The following HDGF variants were observed in gnomAD, a reference collection of about 807,000 sequenced individuals.
The protein encoded by HDGF is heparin binding growth factor.
HDGF carries 5 observed loss-of-function variants against 30.0 expected under a neutral mutation model. That is an observed-to-expected ratio of 0.17 (90% CI 0.09 to 0.35). The LOEUF is 0.35. Ranked by LOEUF, HDGF falls within the 10% of genes least tolerant of loss-of-function variation. HDGF has a pLI of 1.00. For synonymous variants in HDGF, 133 were observed against 112.7 expected, an observed-to-expected ratio of 1.18 and a Z score of -1.14; for missense variants, 214 against 302.8, an observed-to-expected ratio of 0.71 and a Z score of 2.18.
At chr1:156,750,198 A>T (rs1650864950) in intron 1 of HDGF, among the ~76,000 whole-genome samples, 1 of 152,078 alleles carries the variant, frequency 6.6e-6, no homozygotes, top group Admixed American at 6.5e-5. Context: ...TGAGAAGAGC[A>T]CCCCAAAGAT....
At chr1:156,760,102 G>C (rs999531759) in intron 1 of HDGF, among the ~76,000 whole-genome samples, 1 of 152,238 alleles carries the variant, frequency 6.6e-6, no homozygotes, top group African/African-American at 2.4e-5. Flanking sequence ...CTACAGACAG[G>C]AGTGCCATAG....
intron 1 of HDGF, among the ~76,000 whole-genome samples, chr1:156,765,415 TTCTTTCTTTC>T (rs1320643181): frequency 2.1e-5 from 3 of 146,216 alleles, no homozygotes; most frequent in Non-Finnish European, 4.5e-5. Flanking sequence ...TTTTCTTTCT[TTCTTTCTTTC>T]TCTTTCTTTC....
At chr1:156,757,278 CATGGTGAAACCCCGTCTCTACTAAAAAAA>C, upstream of HDGF, among the ~76,000 whole-genome samples, 1 of 151,122 alleles carries the variant, frequency 6.6e-6, no homozygotes, top group South Asian at 2.1e-4. Context: ...GCCTGACCAA[CATGGTGAAACCCCGTCTCTACTAAAAAAA>C]ATGCAAAAAT....
rs769581653 is a variant in HDGF, at chr1:156,743,502, G to A, written c.717-47C>T. ...GAGAAGGGTTAATGGTGTGGCCTTG[G>A]CCTGGCCTTGCCCCAGCCAGTGCCG... is the stretch of plus-strand genomic sequence containing the variant. On this transcript the variant is annotated intron_variant, in intron 5 of 5. Coordinates refer to ENST00000357325, the MANE Select transcript of HDGF (RefSeq NM_004494.3). 2.5e-6 allele frequency: 4 copies of A among 1,574,650 alleles called. No individual in the cohort carries two copies. In the African/African-American group the frequency reaches 4.1e-5, roughly 16 times the overall value.
chr1:156,762,859 C>G (rs1204833249), intron 1 of HDGF, among the ~76,000 whole-genome samples: 1 of 149,318 alleles, frequency 6.7e-6, no homozygotes. Flanking sequence ...GCAACAAGAG[C>G]GAAACTCCGT....
At position 156,743,386 on chromosome 1, in the gene HDGF, T is replaced by G; in HGVS notation, c.*63A>C. ...TCCCAGTTTGCAGGCCATGGCCAGT[T>G]TCCCCAGTAGCACCCAGACAGCAGC... is the stretch of plus-strand genomic sequence containing the variant. On this transcript the variant is annotated 3_prime_UTR_variant, in exon 6 of 6. Coordinates refer to ENST00000357325, the MANE Select transcript of HDGF (RefSeq NM_004494.3). 2 of 1,491,166 alleles carry G rather than the reference T, an allele frequency of 1.3e-6. No individual in the cohort carries two copies. The highest frequency in any genetic ancestry group is 1.8e-6 in the Non-Finnish European group (2 of 1,118,204). The allele number at this position is 1,491,166 out of a possible 1,614,324, so 92.4% of individuals were successfully genotyped here.
upstream of HDGF, among the ~76,000 whole-genome samples, chr1:156,757,113 A>G (rs1329948036): frequency 6.6e-6 from 1 of 151,706 alleles, no homozygotes; most frequent in Non-Finnish European, 1.5e-5. Context: ...TTTTTGAAAA[A>G]GGGAAAATTA....
chr1:156,757,539 T>C (rs1437890264), intron 2 of HDGF, among the ~76,000 whole-genome samples: 1 of 151,562 alleles, frequency 6.6e-6, no homozygotes, highest in African/African-American at 2.4e-5. Context: ...ACACCTGTAA[T>C]CCCAGCACTT....
intron 2 of HDGF, chr1:156,758,920 GC>G (rs1417964559): frequency 6.6e-6 from 1 of 152,460 alleles, no homozygotes; most frequent in Non-Finnish European, 1.5e-5. Flanking sequence ...AGGTGGAAGG[GC>G]CTGAAGTTGC....
chr1:156,763,019 C>G (rs1651277901), intron 1 of HDGF, among the ~76,000 whole-genome samples: 1 of 152,174 alleles, frequency 6.6e-6, no homozygotes, highest in South Asian at 2.1e-4. Flanking sequence ...TGTGCCCAGC[C>G]AATTACCTAT....
In HDGF at chr1:156,743,365, A is replaced by T; in HGVS notation, c.*84T>A. On this transcript the variant is annotated 3_prime_UTR_variant, in exon 6 of 6. Coordinates refer to ENST00000357325, the MANE Select transcript of HDGF (RefSeq NM_004494.3). The stretch of plus-strand genomic sequence containing the variant: ...AGGTTGGGGTGGGAAAGGGGTTCCC[A>T]GTTTGCAGGCCATGGCCAGTTTCCC... The T allele has an allele frequency of 7.2e-7, 1 of 1,398,232 alleles. No individual in the cohort carries two copies. Among genetic ancestry groups the T allele is most frequent in the Non-Finnish European group, 9.7e-7 (1 of 1,032,878 alleles). 86.6% of individuals were successfully genotyped at this position (1,398,232 alleles called of 1,614,324 possible). A position where few individuals can be genotyped will look rare whatever the true frequency, so the allele number is the denominator to read the frequency against.
upstream of HDGF, chr1:156,752,123 C>T (rs765119529): frequency 5.8e-6 from 9 of 1,551,556 alleles, no homozygotes; most frequent in South Asian, 5.9e-5. Flanking sequence ...CAAATATTTA[C>T]TGGGCACCCG....
upstream of HDGF, chr1:156,752,383 C>G: frequency 6.4e-7 from 1 of 1,550,612 alleles, no homozygotes; most frequent in Non-Finnish European, 8.7e-7. Context: ...TTTCTCTAAG[C>G]TACTGTCTTG....
At chr1:156,763,198 A>G (rs1040627912) in intron 1 of HDGF, among the ~76,000 whole-genome samples, 4 of 151,928 alleles carry the variant, frequency 2.6e-5, no homozygotes, top group African/African-American at 9.7e-5. Flanking sequence ...AATATGTTTA[A>G]TCATTTCATT....
chr1:156,757,978 A>G (rs1362319041), intron 2 of HDGF, among the ~76,000 whole-genome samples: 8 of 152,002 alleles, frequency 5.3e-5, no homozygotes, highest in Non-Finnish European at 1.0e-4. Flanking sequence ...TGTTGACTGG[A>G]GCTGCACATT....
rs373549784 is a variant in HDGF at position 156,757,687 on chromosome 1, G to A, written n.373+1296C>T. 9.9e-5 allele frequency among the ~76,000 whole-genome samples: 15 copies of A among 151,068 alleles called. No homozygotes were observed. The East Asian group carries it at 1.7e-3, about 18-fold the overall frequency. On this transcript the variant is annotated intron_variant and non_coding_transcript_variant, in intron 2 of 7. Transcript: ENST00000465180. ...GCACAACTGTAGTCCCAGATACTTC[G>A]GAGGCTGAGGCCCGATAATCACTTG... is the stretch of plus-strand genomic sequence containing the variant.
exon 2 of HDGF, chr1:156,759,086 C>T (rs1297916604): frequency 2.0e-5 from 3 of 152,126 alleles, no homozygotes; most frequent in Admixed American, 2.0e-4. Flanking sequence ...CTCCTTGGAC[C>T]TCAAAGGAGA....
intron 1 of HDGF, among the ~76,000 whole-genome samples, chr1:156,765,472 C>CTTTTTTTTTTT (rs71080793): frequency 8.1e-4 from 70 of 86,010 alleles, no homozygotes; most frequent in East Asian, 1.1e-3. Flanking sequence ...TTCTTTCTTT[C>CTTTTTTTTTTT]TTTTTTTTTT....
At chr1:156,744,079 AC>A in intron 4 of HDGF, 83 bp downstream of exon 4, 1 of 1,421,668 alleles carries the variant, frequency 7.0e-7, no homozygotes, top group South Asian at 1.2e-5. Context: ...CAGACTGGGC[AC>A]CCCTGAGGCA....
Sources: allele counts gnomAD v4.1 joint callset (sites outside exome capture counted in the v4.1 genomes callset), GRCh38; gene constraint gnomAD v4.1.1; transcripts MANE v1.5; gene names NCBI Gene and HGNC (gene_info 2026-07-23, HGNC 2026-07-21).